ULK4: variants seen among roughly 807,000 people sequenced by gnomAD.
ULK4 encodes inactive serine/threonine-protein kinase ULK4.
ULK4 carries 133 observed loss-of-function variants against 160.6 expected under a neutral mutation model. The observed-to-expected ratio is 0.83, with a 90% CI of 0.72 to 0.96. The LOEUF is 0.96. Ranked by LOEUF, ULK4 falls within the 40% of genes least tolerant of loss-of-function variation. ULK4 has a pLI of 0.00. For missense variants in ULK4, 1,580 were observed against 1,499.5 expected (o/e 1.05, Z -0.89); for synonymous variants, 534 against 539.8 (o/e 0.99, Z 0.15).
At position 41,831,531 on chromosome 3, in the gene ULK4, A is replaced by ATATATATTTTTT; in HGVS notation, c.1764+4332_1764+4333insAAAAAATATATA. ...TTATTGTTATTTTATATATATATAT[A>ATATATATTTTTT]TTTTTTTTTCTTTCTTAAACTTTAG... On this transcript the variant is annotated intron_variant, in intron 18 of 36. Transcript: ENST00000301831. Among the ~76,000 whole-genome samples, 51 of 138,128 alleles carry ATATATATTTTTT rather than the reference A, an allele frequency of 3.7e-4. 1 individual carries two copies. Among genetic ancestry groups the ATATATATTTTTT allele is most frequent in the African/African-American group, 1.4e-3 (48 of 35,272 alleles). The allele number at this position is 138,128 out of a possible 152,430, so 90.6% of individuals were successfully genotyped here.
chr3:41,791,797 G>A (rs959746921), intron 20 of ULK4, among the ~76,000 whole-genome samples: 3 of 152,070 alleles, frequency 2.0e-5, no homozygotes, highest in African/African-American at 7.2e-5. Flanking sequence ...CTGAAAAAAT[G>A]AGCATTTGTA....
chr3:41,694,863 T>C (rs919799938), intron 27 of ULK4, among the ~76,000 whole-genome samples: 8 of 152,236 alleles, frequency 5.3e-5, no homozygotes, highest in South Asian at 4.1e-4. Context: ...GTGGAACCTG[T>C]GGATATGGAG....
intron 34 of ULK4, among the ~76,000 whole-genome samples, chr3:41,415,256 T>C (rs1311466779): frequency 6.6e-6 from 1 of 152,188 alleles, no homozygotes; most frequent in East Asian, 1.9e-4. Context: ...CTGAGTTCTG[T>C]AGAAAAGCTC....
At chr3:41,640,707 C>G (rs2034149149) in intron 30 of ULK4, among the ~76,000 whole-genome samples, 2 of 152,040 alleles carry the variant, frequency 1.3e-5, no homozygotes, top group African/African-American at 4.8e-5. Context: ...AATCAATATT[C>G]TAGATATATA....
chr3:41,678,844 G>T (rs751498361), intron 29 of ULK4, among the ~76,000 whole-genome samples: 4 of 152,162 alleles, frequency 2.6e-5, no homozygotes, highest in Non-Finnish European at 5.9e-5. Flanking sequence ...CCAAATTGAA[G>T]TGGGTGCTAT....
intron 17 of ULK4, among the ~76,000 whole-genome samples, chr3:41,841,860 A>C (rs2041936897): frequency 6.6e-6 from 1 of 152,148 alleles, no homozygotes; most frequent in Non-Finnish European, 1.5e-5. Context: ...GCTCTCTGAA[A>C]CAAGTGCTGT....
At chr3:41,353,135 T>C (rs917778928) in intron 35 of ULK4, among the ~76,000 whole-genome samples, 3 of 152,204 alleles carry the variant, frequency 2.0e-5, no homozygotes, top group African/African-American at 7.2e-5. Context: ...CTGCCTACTA[T>C]GTAGAAATGT....
intron 17 of ULK4, among the ~76,000 whole-genome samples, chr3:41,840,207 T>C (rs1392028313): frequency 2.0e-5 from 3 of 152,146 alleles, no homozygotes; most frequent in Non-Finnish European, 4.4e-5. Context: ...TACGGGAGGA[T>C]GGCTTGAGTT....
chr3:41,517,821 T>C (rs2085800588), intron 32 of ULK4, among the ~76,000 whole-genome samples: 1 of 152,198 alleles, frequency 6.6e-6, no homozygotes, highest in Non-Finnish European at 1.5e-5. Context: ...GCCTAGTTTT[T>C]GTCATGTGTA....
At chr3:41,826,920 C>T (rs1437285174) in intron 18 of ULK4, among the ~76,000 whole-genome samples, 3 of 142,250 alleles carry the variant, frequency 2.1e-5, no homozygotes, top group East Asian at 4.0e-4. Flanking sequence ...TAAAGCTCTC[C>T]TCAGCAAATG....
chr3:41,773,432 C>T (rs143585267), intron 21 of ULK4, among the ~76,000 whole-genome samples: 1 of 152,252 alleles, frequency 6.6e-6, no homozygotes, highest in African/African-American at 2.4e-5. Context: ...CAACAACAGA[C>T]AAACAGAGAG....
chr3:41,461,152 A>G (rs888242429), intron 33 of ULK4, among the ~76,000 whole-genome samples: 1 of 152,138 alleles, frequency 6.6e-6, no homozygotes, highest in Admixed American at 6.5e-5. Context: ...TTGCTCCCCC[A>G]TACACATACT....
At chr3:41,851,061 C>A (rs2042201381) in intron 17 of ULK4, among the ~76,000 whole-genome samples, 2 of 152,000 alleles carry the variant, frequency 1.3e-5, no homozygotes, top group African/African-American at 4.8e-5. Context: ...AATTGAATAC[C>A]CTTTATTTCT....
At chr3:41,626,061 A>G (rs2033491690) in intron 30 of ULK4, among the ~76,000 whole-genome samples, 1 of 152,162 alleles carries the variant, frequency 6.6e-6, no homozygotes, top group South Asian at 2.1e-4. Context: ...TAATGGTGCC[A>G]TTTAATGACA....
intron 35 of ULK4, among the ~76,000 whole-genome samples, chr3:41,262,399 C>T (rs1261976918): frequency 2.0e-5 from 3 of 152,184 alleles, no homozygotes; most frequent in Non-Finnish European, 4.4e-5. Flanking sequence ...GGAGATGCAG[C>T]GTGCAAAGGA....
At chr3:41,594,911 T>A (rs1313447089) in intron 31 of ULK4, among the ~76,000 whole-genome samples, 2 of 151,874 alleles carry the variant, frequency 1.3e-5, no homozygotes, top group South Asian at 4.2e-4. Context: ...AATCGAGCTA[T>A]GTTTAGGAGA....
At chr3:41,497,947 A>T (rs1213614987) in intron 32 of ULK4, among the ~76,000 whole-genome samples, 1 of 152,182 alleles carries the variant, frequency 6.6e-6, no homozygotes, top group Non-Finnish European at 1.5e-5. Flanking sequence ...AGAAAAACCC[A>T]TCATAACTGG....
chr3:41,348,139 G>A (rs911748002), intron 35 of ULK4, among the ~76,000 whole-genome samples: 11 of 149,608 alleles, frequency 7.4e-5, no homozygotes, highest in African/African-American at 2.7e-4. Flanking sequence ...AACCTGGGAG[G>A]TGGAGGTTGC....
chr3:41,426,799 C>A (rs1297541844), intron 34 of ULK4, among the ~76,000 whole-genome samples: 1 of 151,778 alleles, frequency 6.6e-6, no homozygotes, highest in East Asian at 1.9e-4. Flanking sequence ...CACTAAATGC[C>A]CACGTCAAAA....
Sources: gnomAD v4.1 joint callset for allele counts (sites outside exome capture counted in the v4.1 genomes callset) on GRCh38, gnomAD v4.1.1 for gene constraint, MANE v1.5 for transcripts, NCBI Gene and HGNC (gene_info 2026-07-23, HGNC 2026-07-21) for gene names.